Variants in MYPN observed in about 807,000 individuals in gnomAD.
MYPN encodes the protein myopalladin.
MYPN carries 63 observed loss-of-function variants against 129.4 expected under a neutral mutation model. The ratio of observed to expected loss-of-function variants is 0.49; its 90% confidence interval spans 0.40 to 0.60. MYPN has a LOEUF of 0.60. Ranked by LOEUF, MYPN falls within the 20% of genes least tolerant of loss-of-function variation. The probability of loss-of-function intolerance (pLI) is 0.00; values close to 1 mark genes in which losing one functional copy is unlikely to be tolerated. For synonymous variants in MYPN, 629 were observed against 600.9 expected (o/e 1.05, Z -0.68); for missense variants, 1,596 against 1,635.4 (o/e 0.98, Z 0.42).
At chr10:68,100,675 C>T (rs1280459891) in intron 1 of MYPN, among the ~76,000 whole-genome samples, 1 of 152,148 alleles carries the variant, frequency 6.6e-6, no homozygotes, top group Non-Finnish European at 1.5e-5. Context: ...GAAAACACCT[C>T]TTATTAGCAC....
At chr10:68,201,272 G>A (rs987544330) in intron 17 of MYPN, among the ~76,000 whole-genome samples, 1 of 152,178 alleles carries the variant, frequency 6.6e-6, no homozygotes, top group African/African-American at 2.4e-5. Flanking sequence ...TGCCTCTCGT[G>A]GGATGTGCAG....
intron 9 of MYPN, 129 bp downstream of exon 9, chr10:68,165,947 T>C (rs973370371): frequency 1.1e-6 from 1 of 898,924 alleles, no homozygotes; most frequent in South Asian, 1.3e-5. Context: ...ATTTGAATTA[T>C]TGAGGAAAAT....
chr10:68,127,925 C>T (rs559080726), intron 2 of MYPN, among the ~76,000 whole-genome samples: 16 of 152,206 alleles, frequency 1.1e-4, no homozygotes, highest in Non-Finnish European at 2.2e-4. Context: ...CAACTGAAGC[C>T]TAACCTATGT....
chr10:68,093,946 C>T (rs1417873298), intron 1 of MYPN, among the ~76,000 whole-genome samples: 1 of 151,896 alleles, frequency 6.6e-6, no homozygotes, highest in Admixed American at 6.6e-5. Flanking sequence ...TTTTAGGCTA[C>T]ATAGGGAAAC....
chr10:68,175,161 A>C (rs2043207613), intron 11 of MYPN, among the ~76,000 whole-genome samples, 162 bp from the exon 12 acceptor site: 1 of 152,164 alleles, frequency 6.6e-6, no homozygotes, highest in Non-Finnish European at 1.5e-5. Context: ...TTAAAGTATC[A>C]AAAAGACCTT....
At chr10:68,118,246 A>G (rs2042186356) in intron 1 of MYPN, among the ~76,000 whole-genome samples, 1 of 152,162 alleles carries the variant, frequency 6.6e-6, no homozygotes, top group Non-Finnish European at 1.5e-5. Flanking sequence ...TCACCAAAGC[A>G]TTGTTTTTTA....
intron 13 of MYPN, among the ~76,000 whole-genome samples, chr10:68,192,095 G>T (rs1206006511): frequency 6.6e-6 from 1 of 152,142 alleles, no homozygotes. Flanking sequence ...TTAGTGTAAA[G>T]GCTTTCAATT....
intron 2 of MYPN, among the ~76,000 whole-genome samples, chr10:68,141,273 G>T (rs1290569971): frequency 6.6e-6 from 1 of 151,988 alleles, no homozygotes; most frequent in African/African-American, 2.4e-5. Context: ...GGAGGCTGAG[G>T]CAGGAGAATT....
intron 8 of MYPN, among the ~76,000 whole-genome samples, chr10:68,165,007 T>C (rs2043031720): frequency 6.6e-6 from 1 of 152,268 alleles, no homozygotes; most frequent in South Asian, 2.1e-4. Context: ...AAATGTTTTA[T>C]TAGTCCTTTA....
chr10:68,207,244 CAA>C (rs1235412593), intron 19 of MYPN, among the ~76,000 whole-genome samples: 1 of 152,066 alleles, frequency 6.6e-6, no homozygotes, highest in Non-Finnish European at 1.5e-5. Context: ...GGCAACAGAA[CAA>C]GACTCTGCCT....
chr10:68,191,534 G>T (rs1199939380), intron 13 of MYPN, among the ~76,000 whole-genome samples: 1 of 152,114 alleles, frequency 6.6e-6, no homozygotes, highest in Non-Finnish European at 1.5e-5. Context: ...TTCTATTTCT[G>T]CAAAGGATGT....
rs556669199 is a variant in MYPN at position 68,136,946 on chromosome 10, G to C, written c.903-5994G>C. Among the ~76,000 whole-genome samples the C allele has an allele frequency of 3.9e-5, 6 of 152,218 alleles. No individual in the cohort carries two copies. The South Asian group carries it at 1.2e-3, about 32-fold the overall frequency. On this transcript the variant is annotated intron_variant, in intron 2 of 19. Transcript: ENST00000358913. ...CCTCTAGCTTCTAAATAACATGCCA[G>C]TGGTTCAAACTTTTTATTCTCAGGA... is the stretch of plus-strand genomic sequence containing the variant.
intron 4 of MYPN, among the ~76,000 whole-genome samples, chr10:68,145,792 T>C (rs1023205209): frequency 6.6e-6 from 1 of 152,238 alleles, no homozygotes; most frequent in African/African-American, 2.4e-5. Context: ...AGAAATCCTT[T>C]GTTCATGCCT....
rs144303466 is a variant in MYPN, at chr10:68,131,126, C to T, written c.902+8786C>T. Among the ~76,000 whole-genome samples, 508 of 152,252 alleles carry T rather than the reference C, an allele frequency of 3.3e-3. 1 individual carries two copies. The highest frequency in any genetic ancestry group is 6.4e-3 in the Admixed American group (98 of 15,294). On this transcript the variant is annotated intron_variant, in intron 2 of 19. Transcript: ENST00000358913. Reference sequence around the variant, plus strand: ...AATCTAGGCCGGGTGTGGGGGCTCACGCCTGTAATCCCAGCACTTTGGGAG... The same window carrying T: ...AATCTAGGCCGGGTGTGGGGGCTCATGCCTGTAATCCCAGCACTTTGGGAG...
intron 2 of MYPN, among the ~76,000 whole-genome samples, chr10:68,141,173 A>T (rs1055640679): frequency 2.6e-5 from 4 of 152,288 alleles, no homozygotes; most frequent in African/African-American, 9.6e-5. Context: ...GATCAAGACC[A>T]TTCTGGTCAA....
intron 19 of MYPN, among the ~76,000 whole-genome samples, chr10:68,209,135 C>T (rs886824470): frequency 5.3e-5 from 8 of 152,176 alleles, no homozygotes; most frequent in East Asian, 1.9e-4. Flanking sequence ...ACCCAGAGCA[C>T]GAGAGTTCCC....
At position 68,206,866 on chromosome 10, in the gene MYPN, C is replaced by T. The variant is rs765512505; in HGVS notation, c.3756C>T (p.Ala1252=). 1.5e-5 allele frequency: 24 copies of T among 1,614,052 alleles called. No homozygotes were observed. The Admixed American group carries it at 1.8e-4, about 12-fold the overall frequency. ...ACACGTTGTCAGCCAAGAATGAAGCCGGCATCGTGTCGTGCACTGCCAGGC... is the reference window on the plus strand; with the variant it reads ...ACACGTTGTCAGCCAAGAATGAAGCTGGCATCGTGTCGTGCACTGCCAGGC... ...GWYTLSAKNE[A]GIVSCTARLD... The change falls in exon 19 of 20, where the codon GCC becomes GCT. Residue 1252 remains alanine (A), a synonymous_variant. Coordinates refer to ENST00000358913, the MANE Select transcript of MYPN (RefSeq NM_032578.4).
chr10:68,117,382 T>TA (rs372750431), intron 1 of MYPN, among the ~76,000 whole-genome samples: 62 of 151,956 alleles, frequency 4.1e-4, no homozygotes, highest in African/African-American at 1.5e-3. Context: ...GAGAAGAAAA[T>TA]ACACTTCATA....
chr10:68,141,832 C>T (rs925283552), intron 2 of MYPN, among the ~76,000 whole-genome samples: 6 of 152,102 alleles, frequency 3.9e-5, no homozygotes, highest in Non-Finnish European at 7.3e-5. Context: ...AGGCTAGCAC[C>T]CTATATGCAC....
Sources: gnomAD v4.1 joint callset for allele counts (sites outside exome capture counted in the v4.1 genomes callset) on GRCh38, gnomAD v4.1.1 for gene constraint, MANE v1.5 for transcripts, NCBI Gene and HGNC (gene_info 2026-07-23, HGNC 2026-07-21) for gene names.